Variants in CNTFR observed in about 807,000 individuals in gnomAD.
CNTFR encodes the protein ciliary neurotrophic factor receptor subunit alpha.
CNTFR carries 12 observed loss-of-function variants against 40.4 expected under a neutral mutation model. The observed-to-expected ratio is 0.30, with a 90% CI of 0.19 to 0.48. The LOEUF is 0.48. Ranked by LOEUF, CNTFR falls within the 20% of genes least tolerant of loss-of-function variation. The pLI, the probability that CNTFR is intolerant of heterozygous loss-of-function variation, is 0.99. For synonymous variants in CNTFR, 202 were observed against 209.6 expected (o/e 0.96, Z 0.31); for missense variants, 414 against 506.8 (o/e 0.82, Z 1.76).
At chr9:34,553,676 G>A (rs987129386) in intron 7 of CNTFR, among the ~76,000 whole-genome samples, 1 of 152,164 alleles carries the variant, frequency 6.6e-6, no homozygotes, top group Non-Finnish European at 1.5e-5. Context: ...ATTTCCTCCT[G>A]GAGGCATCGC....
At chr9:34,559,563 T>C (rs56042825) in intron 4 of CNTFR, among the ~76,000 whole-genome samples, 18,494 of 152,170 alleles carry the variant, frequency 0.12, 1,345 homozygotes, top group Middle Eastern at 0.19. Flanking sequence ...ATGTTCATCC[T>C]GTGTGCCTTT....
At chr9:34,571,225 AAG>A (rs1277730508) in intron 2 of CNTFR, 2 of 152,356 alleles carry the variant, frequency 1.3e-5, no homozygotes, top group Non-Finnish European at 2.9e-5. Context: ...GAGCTGGTGT[AAG>A]AGAGAGAAAA....
chr9:34,572,559 C>A (rs1040286976), intron 2 of CNTFR, among the ~76,000 whole-genome samples: 2 of 152,204 alleles, frequency 1.3e-5, no homozygotes, highest in African/African-American at 4.8e-5. Context: ...AGCCCCTTGT[C>A]AGCACAAGGG....
chr9:34,584,975 A>G (rs186972174), intron 1 of CNTFR, among the ~76,000 whole-genome samples: 5 of 152,196 alleles, frequency 3.3e-5, no homozygotes, highest in Non-Finnish European at 7.4e-5. Context: ...CTGGGTCTCA[A>G]ACCACAAATC....
intron 3 of CNTFR, among the ~76,000 whole-genome samples, chr9:34,565,409 C>T (rs1826243465): frequency 6.6e-6 from 1 of 152,226 alleles, no homozygotes; most frequent in South Asian, 2.1e-4. Flanking sequence ...CTCTCCCTTT[C>T]CTCTGCCTTC....
At chr9:34,559,197 A>C (rs1411068798) in intron 4 of CNTFR, among the ~76,000 whole-genome samples, 2 of 152,160 alleles carry the variant, frequency 1.3e-5, no homozygotes, top group East Asian at 3.9e-4. Flanking sequence ...TAGAGTGGCC[A>C]TGGTGACACA....
At chr9:34,577,650 GC>G (rs147372328) in intron 2 of CNTFR, among the ~76,000 whole-genome samples, 2 of 151,816 alleles carry the variant, frequency 1.3e-5, no homozygotes, top group Non-Finnish European at 2.9e-5. Flanking sequence ...TCTCTCTGTA[GC>G]CCCCCTTCCA....
At chr9:34,569,879 A>ACATGGCCC (rs974797545) in intron 2 of CNTFR, 1 of 152,246 alleles carries the variant, frequency 6.6e-6, no homozygotes, top group African/African-American at 2.4e-5. Flanking sequence ...TGCACTCAGG[A>ACATGGCCC]CATGGCCCCA....
At chr9:34,585,766 C>T (rs983068570) in intron 1 of CNTFR, among the ~76,000 whole-genome samples, 2 of 152,210 alleles carry the variant, frequency 1.3e-5, no homozygotes, top group African/African-American at 4.8e-5. Flanking sequence ...GTCTCCCCCA[C>T]TACCCCCACC....
intron 1 of CNTFR, among the ~76,000 whole-genome samples, chr9:34,587,255 G>C (rs1280053553): frequency 2.0e-5 from 3 of 152,164 alleles, no homozygotes; most frequent in Non-Finnish European, 2.9e-5. Context: ...CTGGTCATAA[G>C]GGCTTCTGAG....
chr9:34,569,027 G>T (rs1339758288), intron 2 of CNTFR, 46 bp from the exon 3 acceptor site: 27 of 1,514,384 alleles, frequency 1.8e-5, no homozygotes, highest in Non-Finnish European at 2.3e-5. Flanking sequence ...ATCAGCCCAG[G>T]CAGGACTGTC....
intron 4 of CNTFR, 89 bp downstream of exon 4, chr9:34,564,510 C>T: frequency 8.3e-7 from 1 of 1,209,008 alleles, no homozygotes; most frequent in Non-Finnish European, 1.2e-6. Flanking sequence ...TCTCCATGTC[C>T]CCCTAACAGG....
chr9:34,583,354 T>G (rs565117948), intron 1 of CNTFR, among the ~76,000 whole-genome samples: 4 of 152,158 alleles, frequency 2.6e-5, no homozygotes, highest in African/African-American at 9.7e-5. Context: ...GGGGCCCACA[T>G]CTGGGATGCA....
At position 34,579,032 on chromosome 9, in the gene CNTFR, G is replaced by C. The variant is rs1587166976; in HGVS notation, c.-1+2063C>G. The stretch of plus-strand genomic sequence containing the variant: ...TGGTCACTGGACCCTGGGCTTGTCA[G>C]GTGTGCACACCCGTACACATATACA... On this transcript the variant is annotated intron_variant, in intron 2 of 9. Coordinates refer to ENST00000378980, the MANE Select transcript of CNTFR (RefSeq NM_147164.3). Among the ~76,000 whole-genome samples the C allele has an allele frequency of 3.3e-5, 5 of 152,326 alleles. No homozygotes were observed. The South Asian group carries it at 1.0e-3, about 32-fold the overall frequency.
At chr9:34,570,730 A>G (rs1826570308) in intron 2 of CNTFR, among the ~76,000 whole-genome samples, 1 of 152,214 alleles carries the variant, frequency 6.6e-6, no homozygotes, top group Non-Finnish European at 1.5e-5. Context: ...AAACTGACAG[A>G]GACGCAGTGC....
chr9:34,553,382 A>T (rs771453247), intron 7 of CNTFR, among the ~76,000 whole-genome samples: 57 of 152,168 alleles, frequency 3.7e-4, no homozygotes, highest in Non-Finnish European at 5.4e-4. Flanking sequence ...TAACATCCTC[A>T]TGCCTTGCCA....
chr9:34,552,102 G>C lies in CNTFR; in HGVS notation c.*-31C>G, dbSNP rs749675002. 6.3e-7 allele frequency: 1 copy of C among 1,593,358 alleles called. No individual in the cohort carries two copies. Among genetic ancestry groups the C allele is most frequent in the Admixed American group, 1.7e-5 (1 of 58,152 alleles). ...GAGACAGGCAGGGGCCTGTCAGGGA[G>C]GGGGCTGGAGTGGGGGTTCCCTCAG... On this transcript the variant is annotated intron_variant, in intron 9 of 9. Transcript: ENST00000378980. This position sits in a 1 kb window ranked among gnomAD's most constrained non-coding sequence, Gnocchi z 5.1.
intron 4 of CNTFR, among the ~76,000 whole-genome samples, chr9:34,559,876 CACT>C (rs1254266660): frequency 6.6e-6 from 1 of 152,154 alleles, no homozygotes; most frequent in African/African-American, 2.4e-5. Context: ...CCAGCCTCCC[CACT>C]GACCAGGCTC....
intron 4 of CNTFR, among the ~76,000 whole-genome samples, chr9:34,561,972 C>T (rs1279759956): frequency 6.6e-6 from 1 of 152,192 alleles, no homozygotes; most frequent in African/African-American, 2.4e-5. Context: ...AAGGTCTGGG[C>T]CCTGGTCACA....
Sources: allele counts gnomAD v4.1 joint callset (sites outside exome capture counted in the v4.1 genomes callset), GRCh38; gene constraint gnomAD v4.1.1; non-coding constraint Gnocchi (gnomAD v3.1); transcripts MANE v1.5; gene names NCBI Gene and HGNC (gene_info 2026-07-23, HGNC 2026-07-21).